NAPSA: variants seen among roughly 807,000 people sequenced by gnomAD.
NAPSA encodes the protein napsin-A.
NAPSA carries 37 observed loss-of-function variants against 36.7 expected under a neutral mutation model. The ratio of observed to expected loss-of-function variants is 1.01; its 90% CI spans 0.78 to 1.33. The LOEUF is 1.33. NAPSA is among the 40% of genes most tolerant of loss of function. The pLI is 0.00. For synonymous variants in NAPSA, 222 were observed against 234.5 expected (o/e 0.95, Z 0.49); for missense variants, 532 against 543.8 (o/e 0.98, Z 0.21).
In NAPSA at chr19:50,361,644, A is replaced by G. The variant is rs767684648; in HGVS notation, c.468+19T>C. 3 of 1,589,922 alleles carry G rather than the reference A, an allele frequency of 1.9e-6. No homozygotes were observed. In the Admixed American group the frequency reaches 5.0e-5, roughly 27 times the overall value. ...GGTTCTCCCAGGCTCAAGACTTCTG[A>G]GAGTCAAAGGCCACTCACAGTCAGC... On this transcript the variant is annotated intron_variant, in intron 4 of 8. Coordinates refer to ENST00000253719, the MANE Select transcript of NAPSA (RefSeq NM_004851.3).
At chr19:50,363,228 C>G (rs1044797877) in intron 1 of NAPSA, among the ~76,000 whole-genome samples, 1 of 152,060 alleles carries the variant, frequency 6.6e-6, no homozygotes, top group Non-Finnish European at 1.5e-5. Context: ...GAAAACTCTT[C>G]CTGGAAGTGT....
At chr19:50,364,389 G>A (rs1377201192) in intron 1 of NAPSA, among the ~76,000 whole-genome samples, 1 of 151,516 alleles carries the variant, frequency 6.6e-6, no homozygotes, top group African/African-American at 2.4e-5. Flanking sequence ...GCTGAGGTGG[G>A]TGGATCACGA....
Position 50,359,590 on chromosome 19 carries a change from A to G in NAPSA, c.849T>C (p.Asp283=), listed in dbSNP as rs1214458937. Residue 283 remains aspartate (D), a synonymous_variant, in exon 7 of 9, where the codon GAT becomes GAC. Coordinates refer to ENST00000253719, the MANE Select transcript of NAPSA (RefSeq NM_004851.3). ...GTCCTGTGATGAGGGACGTGCCCGT[A>G]TCCAGGATGGCAGCACAGCCCTTGG... is the stretch of plus-strand genomic sequence containing the variant. ...LCAKGCAAIL[D]TGTSLITGPT... is the part of the protein sequence containing the mutation. The G allele has an allele frequency of 6.2e-7, 1 of 1,614,094 alleles. No individual in the cohort carries two copies. Among genetic ancestry groups the G allele is most frequent in the Admixed American group, 1.7e-5 (1 of 60,002 alleles).
intron 8 of NAPSA, 93 bp from the exon 9 acceptor site, chr19:50,358,873 T>C: frequency 7.3e-7 from 1 of 1,369,718 alleles, no homozygotes. Context: ...TCGGGTTCTT[T>C]GATGTTCGCC....
chr19:50,365,916 T>G, upstream of NAPSA: 1 of 287,176 alleles, frequency 3.5e-6, no homozygotes, highest in Non-Finnish European at 6.6e-6. Flanking sequence ...CTTCAGCTGC[T>G]GTCAGTTTTA....
At chr19:50,360,841 T>C (rs2037461717) in intron 5 of NAPSA, 100 bp downstream of exon 5, 5 of 1,205,138 alleles carry the variant, frequency 4.1e-6, no homozygotes, top group Middle Eastern at 2.8e-4. Context: ...TGGGTGACTC[T>C]GAGAATGAGA....
rs779193950 is a variant in NAPSA, at chr19:50,358,602, C to G, written c.1214G>C (p.Gly405Ala). ...RVGLARARTR[G>A]ADLGWGETAQ... ...AGTCTCTCCCCATCCGAGGTCCGCTCCGCGAGTGCGAGCGCGCGCCAGGCC... is the reference window on the plus strand; with the variant it reads ...AGTCTCTCCCCATCCGAGGTCCGCTGCGCGAGTGCGAGCGCGCGCCAGGCC... Residue 405 changes from glycine (G) to alanine (A), a missense_variant, in exon 9 of 9, where the codon GGA becomes GCA. Gly to Ala is a moderately conservative substitution (Grantham distance 60). Transcript: ENST00000253719. 1.9e-6 allele frequency: 3 copies of G among 1,611,698 alleles called. No homozygotes were observed. Among genetic ancestry groups the G allele is most frequent in the African/African-American group, 2.7e-5 (2 of 74,910 alleles).
chr19:50,359,353 A>G (rs2037440486), intron 7 of NAPSA, 150 bp downstream of exon 7: 2 of 1,094,240 alleles, frequency 1.8e-6, no homozygotes, highest in African/African-American at 1.6e-5. Context: ...CAATTCCTCC[A>G]CCACCCTCCA....
chr19:50,367,760 C>G (rs1477927960), upstream of NAPSA, among the ~76,000 whole-genome samples: 1 of 152,150 alleles, frequency 6.6e-6, no homozygotes, highest in Admixed American at 6.6e-5. Context: ...CTAGCAGGTT[C>G]CAAAGGCAGC....
In NAPSA at chr19:50,358,552, G is replaced by T. The variant is rs887681744; in HGVS notation, c.*1C>A. On this transcript the variant is annotated 3_prime_UTR_variant, in exon 9 of 9. Coordinates refer to ENST00000253719, the MANE Select transcript of NAPSA (RefSeq NM_004851.3). ...CGCTGCGCATGCGCTTCACTTGGGC[G>T]TCACCCGGGGAACTGCGCCTGCGCA... The T allele has an allele frequency of 1.3e-6, 2 of 1,584,790 alleles. No homozygotes were observed. Among genetic ancestry groups the T allele is most frequent in the Non-Finnish European group, 1.7e-6 (2 of 1,165,998 alleles).
rs764656718 is a variant in NAPSA at position 50,360,930 on chromosome 19, C to T, written c.668+11G>A. On this transcript the variant is annotated intron_variant, in intron 5 of 8. Transcript: ENST00000253719. ...GATAGGACTCATAGATAGGTGCACA[C>T]TTCCCAGTACCTGTTGAGGTAAAAG... is the stretch of plus-strand genomic sequence containing the variant. The T allele has an allele frequency of 7.4e-6, 12 of 1,612,282 alleles. No individual in the cohort carries two copies. Among genetic ancestry groups the T allele is most frequent in the Middle Eastern group, 1.7e-4 (1 of 5,764 alleles).
At chr19:50,361,559 C>T in intron 4 of NAPSA, 104 bp downstream of exon 4, 2 of 959,956 alleles carry the variant, frequency 2.1e-6, no homozygotes, top group Non-Finnish European at 3.3e-6. Context: ...AAGCCCCATC[C>T]ATTGGCTTGG....
chr19:50,361,843 TTGAC>T, intron 3 of NAPSA, 62 bp from the exon 4 acceptor site: 2 of 1,604,522 alleles, frequency 1.2e-6, no homozygotes, highest in Non-Finnish European at 1.7e-6. Context: ...TACTGCCCCT[TTGAC>T]TTTCTGACCT....
intron 1 of NAPSA, among the ~76,000 whole-genome samples, chr19:50,364,666 C>G (rs887572223): frequency 4.1e-5 from 6 of 145,698 alleles, no homozygotes. Flanking sequence ...GGTCCTCAAT[C>G]TAGAGTCTCA....
chr19:50,359,032 C>G lies in NAPSA; in HGVS notation c.1014G>C (p.Thr338=). Reference sequence around the variant, plus strand: ...CTACCTGGATGACGTAATCATGGGCCGTGAGGTTAAACCAGACCCCCCCAA... The same window carrying G: ...CTACCTGGATGACGTAATCATGGGCGGTGAGGTTAAACCAGACCCCCCCAA... ...FLLGGVWFNL[T]AHDYVIQTTR... is the part of the protein sequence containing the mutation. Residue 338 remains threonine, a synonymous_variant, in exon 8 of 9, where the codon ACG becomes ACC. Coordinates refer to ENST00000253719, the MANE Select transcript of NAPSA (RefSeq NM_004851.3). The G allele has an allele frequency of 1.2e-6, 2 of 1,613,926 alleles. No homozygotes were observed. Among genetic ancestry groups the G allele is most frequent in the Non-Finnish European group, 1.7e-6 (2 of 1,179,878 alleles).
rs1044473031 is a variant in NAPSA at position 50,362,181 on chromosome 19, G to C, written c.216C>G (p.Asn72Lys). The C allele has an allele frequency of 1.2e-6, 2 of 1,613,478 alleles. No homozygotes were observed. Among genetic ancestry groups the C allele is most frequent in the African/African-American group, 2.7e-5 (2 of 74,942 alleles). Residue 72 changes from asparagine to lysine, a missense_variant, in exon 2 of 9, where the codon AAC becomes AAG. Coordinates refer to ENST00000253719, the MANE Select transcript of NAPSA (RefSeq NM_004851.3). ...TGGGGCTGTGACTCACATCCCTGTA[G>C]TTCGAGAGAGGTACGAAGATGGGCT... ...GDKPIFVPLSNYRDVQYFGEI... is the reference protein window; with the variant it reads ...GDKPIFVPLSKYRDVQYFGEI...
chr19:50,359,345 A>G, intron 7 of NAPSA, 158 bp downstream of exon 7: 1 of 1,046,610 alleles, frequency 9.6e-7, no homozygotes, highest in South Asian at 1.5e-5. Context: ...AGTGTCCTCA[A>G]TTCCTCCACC....
intron 5 of NAPSA, 143 bp downstream of exon 5, chr19:50,360,798 T>G: frequency 1.3e-6 from 1 of 786,426 alleles, no homozygotes; most frequent in Admixed American, 2.9e-5. Flanking sequence ...CTTCTTGTAT[T>G]GAATGGCTGA....
chr19:50,367,430 C>T (rs1289591573), upstream of NAPSA, among the ~76,000 whole-genome samples: 1 of 152,190 alleles, frequency 6.6e-6, no homozygotes, highest in African/African-American at 2.4e-5. Context: ...CTTGCAAACT[C>T]ATAGAGGTAC....
Sources: gnomAD v4.1 joint callset for allele counts (sites outside exome capture counted in the v4.1 genomes callset) on GRCh38, gnomAD v4.1.1 for gene constraint, MANE v1.5 for transcripts, NCBI Gene and HGNC (gene_info 2026-07-23, HGNC 2026-07-21) for gene names.